The following AKAP10 variants were observed in gnomAD, a reference collection of about 807,000 sequenced individuals.
AKAP10 encodes A-kinase anchor protein 10, mitochondrial.
In AKAP10, 24 loss-of-function variants were observed where a neutral mutation model predicts 80.8. That is an observed-to-expected ratio of 0.30 (90% CI 0.22 to 0.42). The LOEUF (loss-of-function observed/expected upper bound fraction) is 0.42. Among genes scored for constraint, AKAP10 ranks in the 10% least tolerant of loss-of-function variants. The pLI is 1.00. For missense variants in AKAP10, 661 were observed against 794.9 expected (o/e 0.83, Z 2.03); for synonymous variants, 291 against 277.7 (o/e 1.05, Z -0.48).
intron 4 of AKAP10, among the ~76,000 whole-genome samples, chr17:19,952,434 A>G (rs1309955612): frequency 1.3e-5 from 2 of 152,010 alleles, no homozygotes; most frequent in East Asian, 3.9e-4. Flanking sequence ...ACTGCACTCC[A>G]GCTTGGGCAA....
At chr17:19,941,715 C>G (rs1298484812) in intron 6 of AKAP10, 111 bp downstream of exon 6, 1 of 698,146 alleles carries the variant, frequency 1.4e-6, no homozygotes, top group Non-Finnish European at 2.1e-6. Flanking sequence ...TGTAAATATC[C>G]AAAATATTTA....
At chr17:19,976,690 G>C (rs1264870989) in intron 1 of AKAP10, among the ~76,000 whole-genome samples, 2 of 151,952 alleles carry the variant, frequency 1.3e-5, no homozygotes, top group Non-Finnish European at 2.9e-5. Flanking sequence ...GGCTAATTTT[G>C]TATTTTTAGT....
At position 19,939,834 on chromosome 17, in the gene AKAP10, C is replaced by T. The variant is rs762725032; in HGVS notation, c.1201G>A (p.Asp401Asn). 1.1e-5 allele frequency: 18 copies of T among 1,613,316 alleles called. No individual in the cohort carries two copies. Among genetic ancestry groups the T allele is most frequent in the East Asian group, 2.2e-5 (1 of 44,854 alleles). ...FYFSEYMEKE[D>N]AVNILQFWLA... ...CAGAATTGTAAGATATTCACTGCAT[C>T]CTCTTTTTCCATGTACTAGGAAGAA... The change falls in exon 8 of 15, where the codon GAT becomes AAT. Residue 401 changes from aspartate to asparagine, a missense_variant. Asp to Asn is a conservative substitution (Grantham distance 23). Transcript: ENST00000225737.
Position 19,962,978 on chromosome 17 carries a change from C to T in AKAP10, c.181G>A (p.Ala61Thr), listed in dbSNP as rs1193639809. 5 of 1,613,178 alleles carry T rather than the reference C, an allele frequency of 3.1e-6. No homozygotes were observed. In the East Asian group the frequency reaches 1.1e-4, roughly 36 times the overall value. Reference protein sequence around the residue: ...HSPQKSTKNHALLEAAGPSHV... With the variant: ...HSPQKSTKNHTLLEAAGPSHV... ...CTTGGTCCTGCAGCCTCCAGCAAGG[C>T]ATGATTTTTAGTGCTTTTTTGTGGG... The change falls in exon 3 of 15, where the codon GCC becomes ACC. Residue 61 changes from alanine to threonine, a missense_variant. Transcript: ENST00000225737.
chr17:19,934,269 C>A (rs896905328), intron 9 of AKAP10, among the ~76,000 whole-genome samples: 3 of 152,230 alleles, frequency 2.0e-5, no homozygotes, highest in Admixed American at 1.3e-4. Flanking sequence ...GATCATAATA[C>A]CCAAAACTAG....
rs2152413328 is a variant in AKAP10, at chr17:19,933,638, A to G, written c.1468-1660T>C. Among the ~76,000 whole-genome samples, 3 of 152,326 alleles carry G rather than the reference A, an allele frequency of 2.0e-5. No homozygotes were observed. In the South Asian group the frequency reaches 6.2e-4, roughly 32 times the overall value. ...TAAAATCAGAAAAGGTTTAATTTTA[A>G]TCGTGAAAATATTATCATCATTGGG... is the stretch of plus-strand genomic sequence containing the variant. On this transcript the variant is annotated intron_variant, in intron 9 of 14. Transcript: ENST00000225737.
At chr17:19,973,957 C>A (rs1184813848) in intron 1 of AKAP10, among the ~76,000 whole-genome samples, 1 of 152,130 alleles carries the variant, frequency 6.6e-6, no homozygotes, top group African/African-American at 2.4e-5. Context: ...TAATCCCAGC[C>A]TTTGGGAGGC....
At chr17:19,947,212 A>G in intron 5 of AKAP10, 195 bp downstream of exon 5, 1 of 549,316 alleles carries the variant, frequency 1.8e-6, no homozygotes, top group Non-Finnish European at 3.2e-6. Context: ...CCAGGCAAAG[A>G]CCCTCGCACC....
In AKAP10 at chr17:19,904,676, T is replaced by C. The variant is rs2042614521; in HGVS notation, c.*1551A>G. On this transcript the variant is annotated 3_prime_UTR_variant, in exon 15 of 15. Transcript: ENST00000225737. ...AGTAGTGGCTCATGTTCTGGGTTTT[T>C]AGAAAGCAAATGAAAATATTTGGAA... 1 of 152,186 alleles carries C rather than the reference T, an allele frequency of 6.6e-6. No individual in the cohort carries two copies. Among genetic ancestry groups the C allele is most frequent in the African/African-American group, 2.4e-5 (1 of 41,450 alleles). The allele number at this position is 152,186 out of a possible 1,614,324, so 9.4% of individuals were successfully genotyped here.
In AKAP10 at chr17:19,905,025, TA is replaced by T. The variant is rs1423049576; in HGVS notation, c.*1201del. The T allele has an allele frequency of 3.1e-4, 41 of 133,968 alleles. No homozygotes were observed. Among genetic ancestry groups the T allele is most frequent in the African/African-American group, 1.2e-3 (41 of 33,232 alleles). The allele number at this position is 133,968 out of a possible 1,614,324, so 8.3% of individuals were successfully genotyped here. On this transcript the variant is annotated 3_prime_UTR_variant, in exon 15 of 15. Transcript: ENST00000225737. Reference sequence around the variant, plus strand: ...ATAATTATATATTTATACATATATATATATATTTTTTTTTTTGCAAAGTCTG... The same window carrying T: ...ATAATTATATATTTATACATATATATTATATTTTTTTTTTTGCAAAGTCTG...
chr17:19,934,031 C>A (rs1457958488), intron 9 of AKAP10, among the ~76,000 whole-genome samples: 2 of 152,102 alleles, frequency 1.3e-5, no homozygotes, highest in Non-Finnish European at 2.9e-5. Context: ...AAGAGATTTT[C>A]CTGCCTCAGC....
At chr17:19,918,468 T>C (rs1313315222) in intron 12 of AKAP10, among the ~76,000 whole-genome samples, 1 of 152,058 alleles carries the variant, frequency 6.6e-6, no homozygotes, top group Non-Finnish European at 1.5e-5. Flanking sequence ...CGGAGGCGGG[T>C]GCACAGGCAT....
At chr17:19,919,951 A>C in intron 12 of AKAP10, 85 bp downstream of exon 12, 1 of 1,151,910 alleles carries the variant, frequency 8.7e-7, no homozygotes. Flanking sequence ...CAAAATAAAC[A>C]GTTTAAACCT....
chr17:19,924,405 T>C lies in AKAP10; in HGVS notation c.1751+3A>G. 6.4e-7 allele frequency: 1 copy of C among 1,574,146 alleles called. No individual in the cohort carries two copies. The highest frequency in any genetic ancestry group is 8.6e-7 in the Non-Finnish European group (1 of 1,158,690). On this transcript the variant is annotated splice_donor_region_variant and intron_variant, in intron 11 of 14. Coordinates refer to ENST00000225737, the MANE Select transcript of AKAP10 (RefSeq NM_007202.4). Reference sequence around the variant, plus strand: ...AAAAATTCTAGGCATGAGCTAAGCTTACCCGGCATATGTCCGTTGATATAA... The same window carrying C: ...AAAAATTCTAGGCATGAGCTAAGCTCACCCGGCATATGTCCGTTGATATAA...
chr17:19,965,791 G>A (rs2043409185), intron 2 of AKAP10, among the ~76,000 whole-genome samples: 1 of 151,424 alleles, frequency 6.6e-6, no homozygotes, highest in Non-Finnish European at 1.5e-5. Context: ...GTTAAAACTA[G>A]ATAATGATAG....
intron 12 of AKAP10, among the ~76,000 whole-genome samples, chr17:19,910,275 G>T (rs2042675016): frequency 7.2e-6 from 1 of 139,790 alleles, no homozygotes; most frequent in South Asian, 2.3e-4. Flanking sequence ...GAAGCGAGCT[G>T]AGATCGTGCC....
At chr17:19,963,146 C>T (rs1484371541) in intron 2 of AKAP10, 124 bp from the exon 3 acceptor site, 3 of 702,704 alleles carry the variant, frequency 4.3e-6, no homozygotes, top group African/African-American at 3.7e-5. Context: ...TCAGCATACT[C>T]AGCAAAAAAT....
chr17:19,909,321 T>C (rs2042665509), intron 13 of AKAP10, 45 bp from the exon 14 acceptor site: 4 of 1,499,578 alleles, frequency 2.7e-6, no homozygotes, highest in African/African-American at 2.8e-5. Flanking sequence ...ATTCATTAGA[T>C]GGATCGAGAT....
At chr17:19,955,844 A>G (rs1311280830) in intron 4 of AKAP10, among the ~76,000 whole-genome samples, 1 of 152,136 alleles carries the variant, frequency 6.6e-6, no homozygotes, top group Non-Finnish European at 1.5e-5. Flanking sequence ...CAAAAAAAAA[A>G]CAATTACAGA....
Sources: gnomAD v4.1 joint callset for allele counts (sites outside exome capture counted in the v4.1 genomes callset) on GRCh38, gnomAD v4.1.1 for gene constraint, MANE v1.5 for transcripts, NCBI Gene and HGNC (gene_info 2026-07-23, HGNC 2026-07-21) for gene names.